NLGN1: variants seen among roughly 807,000 people sequenced by gnomAD.
NLGN1 encodes neuroligin-1.
A neutral mutation model predicts 65.5 loss-of-function variants in NLGN1; 12 were observed. That is an observed-to-expected ratio of 0.18 (90% confidence interval 0.12 to 0.30). The LOEUF is 0.30. Among genes scored for constraint, NLGN1 ranks in the 10% least tolerant of loss-of-function variants. NLGN1 has a pLI of 1.00. For missense variants in NLGN1, 750 were observed against 1,007.1 expected (o/e 0.74, Z 3.46); for synonymous variants, 350 against 359.5 (o/e 0.97, Z 0.30).
intron 4 of NLGN1, among the ~76,000 whole-genome samples, chr3:173,875,093 A>G (rs1211648696): frequency 6.6e-6 from 1 of 152,196 alleles, no homozygotes; most frequent in African/African-American, 2.4e-5. Context: ...CCTGTACCTG[A>G]GCAAGGAATT....
rs116861323 is a variant in NLGN1, at chr3:174,040,221, G to T, written c.646+232389G>T. 6.2e-3 allele frequency among the ~76,000 whole-genome samples: 949 copies of T among 152,106 alleles called. 23 individuals are homozygous for T. Among genetic ancestry groups the T allele is most frequent in the East Asian group, 0.039 (200 of 5,146 alleles). ...GACTAGGGGCTAAAGAAGGCTAAAT[G>T]CTCACCACATGTCTTCTGATTAACT... On this transcript the variant is annotated intron_variant, in intron 4 of 6. Coordinates refer to ENST00000457714, the Ensembl canonical transcript of NLGN1.
chr3:173,519,533 G>A (rs1734413974), intron 2 of NLGN1, among the ~76,000 whole-genome samples: 2 of 152,264 alleles, frequency 1.3e-5, no homozygotes, highest in South Asian at 4.1e-4. Flanking sequence ...TGCCCTGGAT[G>A]TGGGACATGG....
rs1352975836 is a variant in NLGN1 at position 173,741,316 on chromosome 3, A to G, written c.494-66364A>G. Among the ~76,000 whole-genome samples the G allele has an allele frequency of 3.3e-5, 5 of 152,218 alleles. No individual in the cohort carries two copies. The East Asian group carries it at 9.7e-4, about 30-fold the overall frequency. On this transcript the variant is annotated intron_variant, in intron 3 of 6. Transcript: ENST00000457714. ...ATAATTTCTAGCCCAGGGCCATCAT[A>G]GAAAAATTGATATTATAGACTTAAC...
At chr3:173,881,743 G>A (rs1454630690) in intron 4 of NLGN1, among the ~76,000 whole-genome samples, 1 of 152,070 alleles carries the variant, frequency 6.6e-6, no homozygotes, top group Non-Finnish European at 1.5e-5. Flanking sequence ...CACATCTGCA[G>A]TTGCTTCTTC....
chr3:174,038,365 T>C (rs1315595327), intron 4 of NLGN1, among the ~76,000 whole-genome samples: 1 of 152,158 alleles, frequency 6.6e-6, no homozygotes, highest in Admixed American at 6.6e-5. Flanking sequence ...ATTCCATCTC[T>C]TACTTGGCTC....
In NLGN1 at chr3:173,750,939, A is replaced by G. The variant is rs573374328; in HGVS notation, c.494-56741A>G. 6.0e-4 allele frequency among the ~76,000 whole-genome samples: 92 copies of G among 152,260 alleles called. 1 individual carries two copies. In the South Asian group the frequency reaches 0.018, roughly 29 times the overall value. ...CTGCTGGTAGAAAGAACAGTGCTTT[A>G]GAAGAGCTAAGTAAGGTAGTTGTAT... On this transcript the variant is annotated intron_variant, in intron 3 of 6. Coordinates refer to ENST00000457714, the Ensembl canonical transcript of NLGN1.
intron 4 of NLGN1, among the ~76,000 whole-genome samples, chr3:173,822,068 A>G (rs1021811117): frequency 3.3e-5 from 5 of 152,162 alleles, no homozygotes; most frequent in African/African-American, 1.2e-4. Context: ...GTCTTCAGAG[A>G]AATCAAAGTT....
At chr3:174,203,883 A>G (rs1311177678) in intron 4 of NLGN1, among the ~76,000 whole-genome samples, 6 of 152,228 alleles carry the variant, frequency 3.9e-5, no homozygotes, top group African/African-American at 1.4e-4. Flanking sequence ...CAGACACAAA[A>G]CAAATTTCCT....
chr3:173,621,509 T>A (rs1753983178), intron 3 of NLGN1, among the ~76,000 whole-genome samples: 2 of 152,040 alleles, frequency 1.3e-5, no homozygotes, highest in South Asian at 4.1e-4. Flanking sequence ...TATGCATTGA[T>A]GGTTTTTGGG....
chr3:173,634,245 A>G (rs1015884151), intron 3 of NLGN1, among the ~76,000 whole-genome samples: 1 of 152,128 alleles, frequency 6.6e-6, no homozygotes, highest in Non-Finnish European at 1.5e-5. Context: ...TTAAGAGTAC[A>G]TATGATAAAA....
chr3:174,025,028 A>G (rs901662001), intron 4 of NLGN1, among the ~76,000 whole-genome samples: 1 of 152,214 alleles, frequency 6.6e-6, no homozygotes, highest in Non-Finnish European at 1.5e-5. Context: ...AATTATTTCT[A>G]GTAGTAATAA....
At chr3:173,910,268 T>C (rs964382379) in intron 4 of NLGN1, among the ~76,000 whole-genome samples, 2 of 152,208 alleles carry the variant, frequency 1.3e-5, no homozygotes, top group African/African-American at 2.4e-5. Flanking sequence ...TCTGCAATTA[T>C]AACAAGCCTT....
At chr3:174,013,533 T>G (rs1360865295) in intron 4 of NLGN1, among the ~76,000 whole-genome samples, 5 of 152,212 alleles carry the variant, frequency 3.3e-5, no homozygotes, top group Non-Finnish European at 7.3e-5. Flanking sequence ...TGGGTCAACT[T>G]CAGATTAGCT....
chr3:174,094,300 G>T (rs548646531), intron 4 of NLGN1, among the ~76,000 whole-genome samples: 1 of 152,214 alleles, frequency 6.6e-6, no homozygotes, highest in African/African-American at 2.4e-5. Context: ...CATTTAATAT[G>T]TTTGAACATT....
At chr3:173,404,308 G>T (rs1718226251) in intron 1 of NLGN1, among the ~76,000 whole-genome samples, 1 of 152,092 alleles carries the variant, frequency 6.6e-6, no homozygotes, top group Admixed American at 6.5e-5. Flanking sequence ...AGCAACTTTT[G>T]TGATGGATGT....
intron 4 of NLGN1, among the ~76,000 whole-genome samples, chr3:173,967,737 A>G (rs903062268): frequency 6.6e-6 from 1 of 152,150 alleles, no homozygotes; most frequent in Non-Finnish European, 1.5e-5. Context: ...TGAACTTATC[A>G]GTTCAATGAG....
intron 4 of NLGN1, among the ~76,000 whole-genome samples, chr3:174,097,849 A>G (rs1397587347): frequency 2.0e-5 from 3 of 152,168 alleles, no homozygotes; most frequent in Non-Finnish European, 4.4e-5. Flanking sequence ...TCACTCCAAC[A>G]CCAGTTCACC....
chr3:173,641,018 C>G (rs1165311055), intron 3 of NLGN1, among the ~76,000 whole-genome samples: 3 of 152,080 alleles, frequency 2.0e-5, no homozygotes, highest in Non-Finnish European at 4.4e-5. Context: ...GATTAATAAT[C>G]AAACTATGGA....
At chr3:173,895,980 G>A (rs756635345) in intron 4 of NLGN1, among the ~76,000 whole-genome samples, 3 of 152,022 alleles carry the variant, frequency 2.0e-5, no homozygotes, top group Non-Finnish European at 4.4e-5. Context: ...ATGAGGCACC[G>A]CACCTGGCCT....
Sources: allele counts gnomAD v4.1 joint callset (sites outside exome capture counted in the v4.1 genomes callset), GRCh38; gene constraint gnomAD v4.1.1; transcripts MANE v1.5; gene names NCBI Gene and HGNC (gene_info 2026-07-23, HGNC 2026-07-21).